Variants in CSMD1 observed in about 807,000 individuals in gnomAD.
CSMD1 encodes the protein CUB and Sushi multiple domains 1.
A neutral mutation model predicts 417.5 loss-of-function variants in CSMD1; 213 were observed. That is an observed-to-expected ratio of 0.51 (90% CI 0.46 to 0.57). The LOEUF (loss-of-function observed/expected upper bound fraction) is 0.57, where lower values mean the gene tolerates loss of function less well. CSMD1 is among the 20% of genes least tolerant of loss of function. The pLI is 0.00. For synonymous variants in CSMD1, 2,862 were observed against 1,736.8 expected, an observed-to-expected ratio of 1.65 and a Z score of -16.11; for missense variants, 6,923 against 4,529.7, an observed-to-expected ratio of 1.53 and a Z score of -15.17.
intron 10 of CSMD1, among the ~76,000 whole-genome samples, chr8:3,524,585 ACAC>A (rs984563792): frequency 6.6e-6 from 1 of 151,838 alleles, no homozygotes; most frequent in African/African-American, 2.4e-5. Flanking sequence ...ACTTATGCAC[ACAC>A]AAGGACACAC....
intron 3 of CSMD1, among the ~76,000 whole-genome samples, chr8:4,295,181 C>G (rs183812286): frequency 1.4e-5 from 2 of 138,156 alleles, no homozygotes; most frequent in Admixed American, 1.5e-4. Context: ...ATTATATAAT[C>G]TTAAGATTAT....
chr8:3,594,449 A>G (rs999945609), intron 8 of CSMD1, among the ~76,000 whole-genome samples: 1 of 152,182 alleles, frequency 6.6e-6, no homozygotes, highest in Non-Finnish European at 1.5e-5. Context: ...GTTATGGATT[A>G]AAAAACCACC....
intron 5 of CSMD1, among the ~76,000 whole-genome samples, chr8:3,979,257 T>C (rs1813670098): frequency 6.6e-6 from 1 of 152,156 alleles, no homozygotes; most frequent in African/African-American, 2.4e-5. Context: ...CATCTTTTTG[T>C]TTTGGGAGCG....
intron 18 of CSMD1, 42 bp from the exon 19 acceptor site, chr8:3,369,412 A>G: frequency 1.1e-6 from 1 of 939,934 alleles, no homozygotes; most frequent in Non-Finnish European, 1.7e-6. Context: ...CTAAAGTTTC[A>G]CAATGATTGC....
intron 5 of CSMD1, among the ~76,000 whole-genome samples, chr8:3,906,835 G>T (rs1808147660): frequency 1.3e-5 from 2 of 152,014 alleles, no homozygotes; most frequent in Admixed American, 1.3e-4. Flanking sequence ...TATCAAGAAG[G>T]ACAGCATTGT....
In CSMD1 at chr8:4,206,107, C is replaced by T. The variant is rs115722804; in HGVS notation, c.416-174008G>A. Among the ~76,000 whole-genome samples the T allele has an allele frequency of 5.6e-3, 854 of 152,162 alleles. 7 individuals carry two copies. The highest frequency in any genetic ancestry group is 0.018 in the African/African-American group (736 of 41,506). ...GAAAGTGAGTAAATAGGATAAACAA[C>T]GCAGGGAAAAGGATAGGGAGGGTAT... is the stretch of plus-strand genomic sequence containing the variant. On this transcript the variant is annotated intron_variant, in intron 3 of 69. Transcript: ENST00000635120.
At chr8:3,128,771 G>A (rs571581736) in intron 41 of CSMD1, 120 of 416,874 alleles carry the variant, frequency 2.9e-4, no homozygotes, top group Non-Finnish European at 5.1e-4. Context: ...AATTAATGGC[G>A]TACAATAAAA....
At chr8:3,675,408 C>G (rs74958075) in intron 7 of CSMD1, among the ~76,000 whole-genome samples, 2,519 of 152,244 alleles carry the variant, frequency 0.017, 60 homozygotes, top group African/African-American at 0.057. Context: ...GTTTTGTTTG[C>G]TAATGAACAA....
At chr8:3,317,985 A>T (rs1805888135) in intron 23 of CSMD1, among the ~76,000 whole-genome samples, 1 of 152,072 alleles carries the variant, frequency 6.6e-6, no homozygotes, top group South Asian at 2.1e-4. Context: ...TAATATTTGT[A>T]TCTTTTGTAG....
intron 3 of CSMD1, among the ~76,000 whole-genome samples, chr8:4,402,174 C>T (rs1315451887): frequency 6.6e-6 from 1 of 152,144 alleles, no homozygotes; most frequent in Non-Finnish European, 1.5e-5. Context: ...CCAACCACAT[C>T]TACTTCTCCA....
intron 1 of CSMD1, among the ~76,000 whole-genome samples, chr8:4,953,440 T>C (rs1808880323): frequency 1.3e-5 from 2 of 152,108 alleles, no homozygotes; most frequent in South Asian, 2.1e-4. Flanking sequence ...ATTAACACTA[T>C]CACTTCAAAT....
chr8:4,717,211 C>G (rs1245865804), intron 1 of CSMD1, among the ~76,000 whole-genome samples: 1 of 151,228 alleles, frequency 6.6e-6, no homozygotes, highest in Admixed American at 6.6e-5. Context: ...ACAGTATTAA[C>G]AGGTTCCAAA....
intron 5 of CSMD1, among the ~76,000 whole-genome samples, chr8:3,941,968 C>G (rs1789517133): frequency 6.6e-6 from 1 of 152,198 alleles, no homozygotes; most frequent in Non-Finnish European, 1.5e-5. Flanking sequence ...CAGCCCCTCC[C>G]CATTGCTGGC....
intron 1 of CSMD1, among the ~76,000 whole-genome samples, chr8:4,818,667 T>A (rs1799346623): frequency 6.6e-6 from 1 of 152,154 alleles, no homozygotes; most frequent in African/African-American, 2.4e-5. Flanking sequence ...AGGGCAAAGG[T>A]ATGAATAAAT....
intron 1 of CSMD1, among the ~76,000 whole-genome samples, chr8:4,703,460 C>T (rs935973265): frequency 6.6e-6 from 1 of 152,094 alleles, no homozygotes; most frequent in African/African-American, 2.4e-5. Flanking sequence ...CTTGCAATCA[C>T]CAATGTATGG....
intron 1 of CSMD1, among the ~76,000 whole-genome samples, chr8:4,691,270 G>A (rs1287921196): frequency 6.6e-6 from 1 of 152,154 alleles, no homozygotes; most frequent in South Asian, 2.1e-4. Context: ...AGAATGAATA[G>A]GTGGAGAGTG....
Position 3,668,626 on chromosome 8 carries a change from A to C in CSMD1, c.1009+39788T>G, listed in dbSNP as rs142880046. 8.1e-3 allele frequency among the ~76,000 whole-genome samples: 1,239 copies of C among 152,206 alleles called. 15 individuals are homozygous for C. Among genetic ancestry groups the C allele is most frequent in the African/African-American group, 0.028 (1,171 of 41,540 alleles). ...AGAGACGAAGCCCTGGGGAGAAGAG[A>C]CGATCCTGAACAGAGTGTGCAATAT... On this transcript the variant is annotated intron_variant, in intron 7 of 69. Coordinates refer to ENST00000635120, the MANE Select transcript of CSMD1 (RefSeq NM_033225.6).
At chr8:3,020,790 C>G (rs117965769) in intron 51 of CSMD1, among the ~76,000 whole-genome samples, 2 of 152,154 alleles carry the variant, frequency 1.3e-5, no homozygotes, top group East Asian at 1.9e-4. Context: ...GAGTCCATCA[C>G]GACCAGCACA....
intron 1 of CSMD1, among the ~76,000 whole-genome samples, chr8:4,957,201 T>C (rs182563606): frequency 6.6e-6 from 1 of 152,192 alleles, no homozygotes; most frequent in African/African-American, 2.4e-5. Flanking sequence ...GACCTAAAGC[T>C]ATAGCAAACT....
Sources: allele counts gnomAD v4.1 joint callset (sites outside exome capture counted in the v4.1 genomes callset), GRCh38; gene constraint gnomAD v4.1.1; transcripts MANE v1.5; gene names NCBI Gene and HGNC (gene_info 2026-07-23, HGNC 2026-07-21).